The following HERC2 variants were observed in gnomAD, a reference collection of about 807,000 sequenced individuals.
The protein encoded by HERC2 is E3 ubiquitin-protein ligase HERC2.
In HERC2, 102 loss-of-function variants were observed where a neutral mutation model predicts 537.7. The ratio of observed to expected loss-of-function variants is 0.19; its 90% CI spans 0.16 to 0.22. HERC2 has a LOEUF of 0.22. Ranked by LOEUF, HERC2 falls within the 10% of genes least tolerant of loss-of-function variation. The pLI, the probability that HERC2 is intolerant of heterozygous loss-of-function variation, is 1.00. For synonymous variants in HERC2, 2,224 were observed against 2,466.2 expected, an observed-to-expected ratio of 0.90 and a Z score of 2.91; for missense variants, 4,236 against 6,198.2, an observed-to-expected ratio of 0.68 and a Z score of 10.63.
intron 16 of HERC2, among the ~76,000 whole-genome samples, chr15:28,258,413 C>T (rs1030856250): frequency 5.9e-5 from 9 of 151,908 alleles, no homozygotes; most frequent in African/African-American, 1.5e-4. Context: ...CAGAGGTTGC[C>T]GTGAGCTGAG....
At position 28,218,489 on chromosome 15, in the gene HERC2, A is replaced by G. The variant is rs754651088; in HGVS notation, c.6028T>C (p.Ser2010Pro). ...GGGCCCTCGATCTCTCATTCCATAC[A>G]TGTCTTGTCCGTCGTTCCGCTTTCC... ...LVESGTTDKT[S>P]SPNRLVYREQ... The change falls in exon 38 of 93, where the codon TCT becomes CCT. Residue 2010 changes from serine to proline, a missense_variant and splice_region_variant. Coordinates refer to ENST00000261609, the MANE Select transcript of HERC2 (RefSeq NM_004667.6). 2.5e-6 allele frequency: 4 copies of G among 1,593,182 alleles called. No individual in the cohort carries two copies. Among genetic ancestry groups the G allele is most frequent in the Non-Finnish European group, 2.5e-6 (3 of 1,178,554 alleles).
chr15:28,268,459 A>G lies in HERC2; in HGVS notation c.1598+6T>C. ...TGTGTCCCCTACAGGAATAAGCGAT[A>G]CATACACAGTGTCCCCATGGCCCAG... On this transcript the variant is annotated splice_donor_region_variant and intron_variant, in intron 12 of 92. Coordinates refer to ENST00000261609, the MANE Select transcript of HERC2 (RefSeq NM_004667.6). The surrounding 1 kb of genome is among the most constrained non-coding windows in gnomAD (Gnocchi z 4.7). 6.2e-7 allele frequency: 1 copy of G among 1,612,934 alleles called. No individual in the cohort carries two copies. Among genetic ancestry groups the G allele is most frequent in the Non-Finnish European group, 8.5e-7 (1 of 1,179,302 alleles).
intron 23 of HERC2, among the ~76,000 whole-genome samples, chr15:28,243,631 T>C (rs1903359331): frequency 1.3e-5 from 2 of 152,108 alleles, no homozygotes; most frequent in South Asian, 4.1e-4. Context: ...GGAAAAGGTA[T>C]CAAACCTCAC....
intron 7 of HERC2, among the ~76,000 whole-genome samples, chr15:28,273,990 A>G (rs963989328): frequency 2.0e-5 from 3 of 152,162 alleles, no homozygotes; most frequent in Admixed American, 6.5e-5. Context: ...CCTAATCATC[A>G]CAGAGAGACA....
At position 28,177,287 on chromosome 15, in the gene HERC2, G is replaced by A. The variant is rs774656264; in HGVS notation, c.9254+132C>T. On this transcript the variant is annotated intron_variant, in intron 60 of 92. Transcript: ENST00000261609. The surrounding 1 kb of genome is among the most constrained non-coding windows in gnomAD (Gnocchi z 5.0). Reference sequence around the variant, plus strand: ...CGGTGAGACCAAAACACAAACAACCGTGTTAAAAAAATTTTGTTTAAGAAC... The same window carrying A: ...CGGTGAGACCAAAACACAAACAACCATGTTAAAAAAATTTTGTTTAAGAAC... 37 of 1,211,940 alleles carry A rather than the reference G, an allele frequency of 3.1e-5. No homozygotes were observed. Among genetic ancestry groups the A allele is most frequent in the African/African-American group, 1.4e-4 (9 of 65,388 alleles). 75.1% of individuals were successfully genotyped at this position (1,211,940 alleles called of 1,614,324 possible). A position where few individuals can be genotyped will look rare whatever the true frequency, so the allele number is the denominator to read the frequency against.
At chr15:28,248,500 A>T (rs1477512823) in intron 21 of HERC2, 52 bp downstream of exon 21, 10 of 1,426,972 alleles carry the variant, frequency 7.0e-6, no homozygotes, top group Non-Finnish European at 8.8e-6. Flanking sequence ...AAAAGCCTAA[A>T]GTAACGAGCC....
At chr15:28,253,778 ATTTT>A (rs1291357806) in intron 20 of HERC2, among the ~76,000 whole-genome samples, 1 of 151,252 alleles carries the variant, frequency 6.6e-6, no homozygotes, top group East Asian at 2.0e-4. Context: ...CCTGACCAAT[ATTTT>A]GAAACCCCGT....
chr15:28,311,901 C>T (rs866503127), intron 2 of HERC2, among the ~76,000 whole-genome samples: 1 of 152,032 alleles, frequency 6.6e-6, no homozygotes, highest in African/African-American at 2.4e-5. Flanking sequence ...AAAGATGGAA[C>T]ATTTAAAGAC....
intron 9 of HERC2, among the ~76,000 whole-genome samples, chr15:28,271,071 G>A (rs572240583): frequency 3.9e-5 from 6 of 152,162 alleles, no homozygotes; most frequent in Admixed American, 1.3e-4. Context: ...TGCTGTACAC[G>A]CATACACAAC....
At chr15:28,304,039 G>A (rs1403440463) in intron 2 of HERC2, among the ~76,000 whole-genome samples, 10 of 152,004 alleles carry the variant, frequency 6.6e-5, no homozygotes, top group East Asian at 3.9e-4. Flanking sequence ...GGTGGCAGGC[G>A]CCTGTAATGC....
At chr15:28,218,180 G>A (rs1427372481) in intron 38 of HERC2, among the ~76,000 whole-genome samples, 6 of 151,424 alleles carry the variant, frequency 4.0e-5, no homozygotes, top group African/African-American at 7.4e-5. Context: ...TGAAGATGAC[G>A]GCAGAGATAG....
At chr15:28,196,109 C>T (rs146149348) in intron 52 of HERC2, 106 bp downstream of exon 52, 67 of 1,063,606 alleles carry the variant, frequency 6.3e-5, no homozygotes, top group East Asian at 5.3e-4. Context: ...TACAGAATTA[C>T]TGTATACATA....
chr15:28,207,014 CA>C (rs545800321), intron 44 of HERC2, among the ~76,000 whole-genome samples: 341 of 135,718 alleles, frequency 2.5e-3, no homozygotes, highest in African/African-American at 5.7e-3. Context: ...CATCTCAAAA[CA>C]AAAAAAAAAA....
At chr15:28,307,410 T>C (rs1270002891) in intron 2 of HERC2, among the ~76,000 whole-genome samples, 3 of 152,204 alleles carry the variant, frequency 2.0e-5, no homozygotes, top group Non-Finnish European at 2.9e-5. Context: ...CTTAAAATTA[T>C]GGGTTTGGTT....
At chr15:28,162,308 G>A (rs7163356) in intron 69 of HERC2, among the ~76,000 whole-genome samples, 11,696 of 152,292 alleles carry the variant, frequency 0.077, 1,528 homozygotes, top group African/African-American at 0.27. Context: ...ACTCCAGCCC[G>A]GGTGAAGGAG....
At chr15:28,284,696 G>A (rs1035061629) in intron 4 of HERC2, among the ~76,000 whole-genome samples, 4 of 151,994 alleles carry the variant, frequency 2.6e-5, no homozygotes, top group Non-Finnish European at 4.4e-5. Context: ...GCCAAGGTGG[G>A]TGGATCTCAG....
chr15:28,195,030 T>G (rs1046844261), intron 52 of HERC2, among the ~76,000 whole-genome samples: 34 of 150,172 alleles, frequency 2.3e-4, no homozygotes, highest in South Asian at 2.1e-4. Context: ...CACTCCAGCC[T>G]GGGCAACAGA....
rs766924554 is a variant in HERC2, at chr15:28,132,157, G to A, written c.12513C>T (p.Asp4171=). Residue 4171 remains aspartate, a synonymous_variant, in exon 81 of 93, where the codon GAC becomes GAT. Coordinates refer to ENST00000261609, the MANE Select transcript of HERC2 (RefSeq NM_004667.6). The part of the protein sequence containing the change: ...TDDDTVWSWG[D]GDYGKLGRGG... The stretch of plus-strand genomic sequence containing the variant: ...CCCGGCCGAGCTTGCCGTAGTCCCC[G>A]TCCCCCCAGGACCAGACAGTGTCGT... 2.9e-5 allele frequency: 47 copies of A among 1,613,298 alleles called. No homozygotes were observed. The highest frequency in any genetic ancestry group is 8.3e-5 in the Admixed American group (5 of 59,966).
chr15:28,225,473 G>T (rs556459027), intron 35 of HERC2, among the ~76,000 whole-genome samples: 33 of 152,130 alleles, frequency 2.2e-4, no homozygotes, highest in African/African-American at 7.7e-4. Context: ...TGAGGTGGGC[G>T]GATCGCGAGG....
Sources: gnomAD v4.1 joint callset for allele counts (sites outside exome capture counted in the v4.1 genomes callset) on GRCh38, gnomAD v4.1.1 for gene constraint, Gnocchi (gnomAD v3.1) non-coding constraint, MANE v1.5 for transcripts, NCBI Gene and HGNC (gene_info 2026-07-23, HGNC 2026-07-21) for gene names.